KIAA1217: variants seen among roughly 807,000 people sequenced by gnomAD.
KIAA1217 encodes the protein KIAA1217.
A neutral mutation model predicts 163.9 loss-of-function variants in KIAA1217; 88 were observed. The ratio of observed to expected loss-of-function variants is 0.54; its 90% CI spans 0.45 to 0.64. The LOEUF is 0.64. Ranked by LOEUF, KIAA1217 falls within the 30% of genes least tolerant of loss-of-function variation. The pLI is 0.00. For synonymous variants in KIAA1217, 903 were observed against 923.1 expected (o/e 0.98, Z 0.39); for missense variants, 2,372 against 2,475.0 (o/e 0.96, Z 0.88).
intron 2 of KIAA1217, among the ~76,000 whole-genome samples, chr10:24,063,649 TA>T (rs1229744050): frequency 6.6e-6 from 1 of 152,200 alleles, no homozygotes; most frequent in African/African-American, 2.4e-5. Flanking sequence ...ATATGAACTT[TA>T]AAGTAGTTTT....
At chr10:24,090,332 CTTTTTTTTTTTTT>C (rs35966270) in intron 2 of KIAA1217, among the ~76,000 whole-genome samples, 4 of 58,944 alleles carry the variant, frequency 6.8e-5, no homozygotes, top group East Asian at 8.7e-4. Flanking sequence ...ACATCCTGCT[CTTTTTTTTTTTTT>C]TTTTTTTTTT....
intron 2 of KIAA1217, among the ~76,000 whole-genome samples, chr10:24,309,348 G>A (rs11014017): frequency 0.014 from 1,734 of 125,400 alleles, 14 homozygotes; most frequent in East Asian, 0.024. Context: ...GCACGCGCGC[G>A]CGCACACACA....
chr10:24,213,507 C>T (rs944050032), intron 1 of KIAA1217, among the ~76,000 whole-genome samples: 4 of 152,134 alleles, frequency 2.6e-5, no homozygotes, highest in Admixed American at 6.5e-5. Context: ...ACCCTTATCC[C>T]GTTTCATTCT....
At chr10:24,245,623 T>A (rs1254475302) in intron 2 of KIAA1217, among the ~76,000 whole-genome samples, 1 of 151,216 alleles carries the variant, frequency 6.6e-6, no homozygotes, top group Non-Finnish European at 1.5e-5. Context: ...TTTTCTCCCC[T>A]TCCCCTTCCC....
intron 4 of KIAA1217, among the ~76,000 whole-genome samples, chr10:24,436,033 G>A (rs1564675194): frequency 6.6e-6 from 1 of 151,866 alleles, no homozygotes; most frequent in African/African-American, 2.4e-5. Context: ...GCTAATTTTT[G>A]TATTTTTAGT....
intron 2 of KIAA1217, among the ~76,000 whole-genome samples, chr10:24,023,654 A>G (rs1414546429): frequency 6.6e-6 from 1 of 151,764 alleles, no homozygotes; most frequent in Non-Finnish European, 1.5e-5. Context: ...ACTGTAATCA[A>G]TGAAAATAAG....
chr10:24,379,698 C>A (rs940634172), intron 2 of KIAA1217, among the ~76,000 whole-genome samples: 2 of 152,156 alleles, frequency 1.3e-5, no homozygotes, highest in African/African-American at 2.4e-5. Flanking sequence ...TGAAACAAAT[C>A]TGTAGCCCAA....
chr10:24,278,221 A>C (rs188743835), intron 2 of KIAA1217, among the ~76,000 whole-genome samples: 2 of 152,314 alleles, frequency 1.3e-5, no homozygotes, highest in African/African-American at 4.8e-5. Flanking sequence ...TGGCTTCTGG[A>C]AAGTCTTCAT....
chr10:24,018,951 A>G (rs1847613555), intron 2 of KIAA1217, among the ~76,000 whole-genome samples: 1 of 152,158 alleles, frequency 6.6e-6, no homozygotes, highest in Admixed American at 6.6e-5. Flanking sequence ...AACCTGGCAC[A>G]GAAAGACAAA....
At chr10:23,773,800 C>G (rs1412814645) in intron 1 of KIAA1217, among the ~76,000 whole-genome samples, 1 of 152,062 alleles carries the variant, frequency 6.6e-6, no homozygotes, top group Non-Finnish European at 1.5e-5. Flanking sequence ...GATTTTTGTA[C>G]ATTGATTTTG....
At chr10:24,516,327 C>T (rs375691055) in intron 10 of KIAA1217, among the ~76,000 whole-genome samples, 1 of 152,226 alleles carries the variant, frequency 6.6e-6, no homozygotes. Context: ...CATTTGCACA[C>T]TGACTTCCTG....
At chr10:24,400,136 G>A (rs956502332) in intron 3 of KIAA1217, among the ~76,000 whole-genome samples, 1 of 152,158 alleles carries the variant, frequency 6.6e-6, no homozygotes, top group East Asian at 1.9e-4. Context: ...TCACATCCCA[G>A]GAAAGCAGCA....
intron 2 of KIAA1217, among the ~76,000 whole-genome samples, chr10:24,295,106 ACCT>A: frequency 6.6e-6 from 1 of 152,036 alleles, no homozygotes; most frequent in East Asian, 1.9e-4. Context: ...TGAGGCTAAG[ACCT>A]CCTCTTCTGA....
intron 3 of KIAA1217, among the ~76,000 whole-genome samples, chr10:24,422,628 C>A (rs1341813884): frequency 2.6e-5 from 4 of 152,226 alleles, no homozygotes; most frequent in Non-Finnish European, 4.4e-5. Context: ...AAATCAGCAT[C>A]TTTCACTCAG....
intron 1 of KIAA1217, among the ~76,000 whole-genome samples, chr10:23,978,443 G>A (rs1011867613): frequency 2.6e-5 from 4 of 152,136 alleles, no homozygotes; most frequent in Admixed American, 2.6e-4. Context: ...CTGGCTTGAA[G>A]TTATTCTGAT....
At chr10:23,990,254 T>A (rs1288622582) in intron 1 of KIAA1217, among the ~76,000 whole-genome samples, 1 of 152,178 alleles carries the variant, frequency 6.6e-6, no homozygotes, top group Non-Finnish European at 1.5e-5. Context: ...ATGCAACATA[T>A]ATCCCAACCA....
intron 1 of KIAA1217, among the ~76,000 whole-genome samples, chr10:23,774,187 AAG>A (rs1157883750): frequency 6.6e-6 from 1 of 152,244 alleles, no homozygotes; most frequent in African/African-American, 2.4e-5. Flanking sequence ...GTATTTAAAA[AAG>A]GAAATGAACA....
chr10:23,752,786 T>G (rs530183669), intron 1 of KIAA1217, among the ~76,000 whole-genome samples: 4 of 152,284 alleles, frequency 2.6e-5, no homozygotes, highest in African/African-American at 9.6e-5. Flanking sequence ...TTCAGTGTCT[T>G]TAGATTGCTG....
chr10:24,076,478 A>G (rs1025432907), intron 2 of KIAA1217, among the ~76,000 whole-genome samples: 3 of 152,188 alleles, frequency 2.0e-5, no homozygotes, highest in African/African-American at 7.2e-5. Context: ...TCTGGCATGT[A>G]GAGTCTGAGA....
Sources: allele counts gnomAD v4.1 joint callset (sites outside exome capture counted in the v4.1 genomes callset), GRCh38; gene constraint gnomAD v4.1.1; transcripts MANE v1.5; gene names NCBI Gene and HGNC (gene_info 2026-07-23, HGNC 2026-07-21).